CCDC171: variants seen among roughly 807,000 people sequenced by gnomAD.
The protein encoded by CCDC171 is coiled-coil domain containing 171, also known as coiled-coil domain-containing protein 171.
Under a neutral mutation model 168.2 loss-of-function variants are expected in CCDC171, and 177 were observed. That is an observed-to-expected ratio of 1.05 (90% CI 0.93 to 1.19). The LOEUF is 1.19. CCDC171 is among the 50% of genes most tolerant of loss of function. The pLI, the probability that CCDC171 is intolerant of heterozygous loss-of-function variation, is 0.00. For synonymous variants in CCDC171, 687 were observed against 540.8 expected (o/e 1.27, Z -3.75); for missense variants, 1,991 against 1,539.0 (o/e 1.29, Z -4.91).
chr9:15,958,736 A>G (rs916374816), intron 25 of CCDC171, among the ~76,000 whole-genome samples: 12 of 151,958 alleles, frequency 7.9e-5, no homozygotes, highest in Non-Finnish European at 1.6e-4. Flanking sequence ...CAGCATTTTG[A>G]TTAGTACAGG....
At position 15,958,975 on chromosome 9, in the gene CCDC171, T is replaced by C. The variant is rs566626225; in HGVS notation, c.3754-12634T>C. On this transcript the variant is annotated intron_variant, in intron 25 of 25. Transcript: ENST00000380701. ...TGACTTCTTGGTTGTGCAGTGTTCA[T>C]GTGCCCTGTCTCTCTCCACTGCCTC... Among the ~76,000 whole-genome samples the C allele has an allele frequency of 2.7e-4, 41 of 152,266 alleles. No homozygotes were observed. The South Asian group carries it at 5.6e-3, about 21-fold the overall frequency.
At chr9:15,774,277 A>G (rs946525267) in intron 18 of CCDC171, among the ~76,000 whole-genome samples, 1 of 125,110 alleles carries the variant, frequency 8.0e-6, no homozygotes, top group East Asian at 2.5e-4. Flanking sequence ...AAAAAAAAAA[A>G]GTCATCAGAA....
the CCDC171 span, among the ~76,000 whole-genome samples, chr9:16,095,634 C>T: frequency 1.3e-5 from 2 of 151,768 alleles, no homozygotes; most frequent in African/African-American, 2.4e-5. Flanking sequence ...ACCTATTTCC[C>T]CATAGAAATG....
At position 16,035,809 on chromosome 9, in the gene CCDC171, C is replaced by G. The variant is rs550459954; in HGVS notation, n.1067+284C>G. Among the ~76,000 whole-genome samples the G allele has an allele frequency of 2.7e-3, 412 of 152,282 alleles. 2 individuals carry two copies. The highest frequency in any genetic ancestry group is 9.2e-3 in the African/African-American group (384 of 41,548). On this transcript the variant is annotated intron_variant and non_coding_transcript_variant, in intron 7 of 9. Coordinates refer to the CCDC171 transcript ENST00000486641. ...TATTCAATATCCACTATGTCAGTCA[C>G]TGGGCTATGTTGTGTGGAAGAGTAA...
intron 11 of CCDC171, among the ~76,000 whole-genome samples, chr9:15,715,101 A>G (rs2052980089): frequency 6.6e-6 from 1 of 152,196 alleles, no homozygotes; most frequent in African/African-American, 2.4e-5. Context: ...TTTGCCTTCT[A>G]GCCACATGGA....
chr9:16,008,351 T>C (rs1339381321), intron 3 of CCDC171, among the ~76,000 whole-genome samples: 2 of 152,212 alleles, frequency 1.3e-5, no homozygotes, highest in African/African-American at 4.8e-5. Flanking sequence ...CCCCATTGAA[T>C]GGTTGTGGCA....
Position 15,854,766 on chromosome 9 carries a change from C to G in CCDC171, c.3468+5819C>G, listed in dbSNP as rs116426189. On this transcript the variant is annotated intron_variant, in intron 23 of 25. Transcript: ENST00000380701. ...TGTCTGATGCAGCTTAAACTGCATC[C>G]CAGAAGTTTTGGTTTATTATTTTTT... Among the ~76,000 whole-genome samples, 1,465 of 151,376 alleles carry G rather than the reference C, an allele frequency of 9.7e-3. 34 individuals are homozygous for G. Among genetic ancestry groups the G allele is most frequent in the African/African-American group, 0.034 (1,397 of 41,330 alleles).
At chr9:15,650,407 GAAAAA>G (rs999898131) in intron 7 of CCDC171, among the ~76,000 whole-genome samples, 1 of 151,544 alleles carries the variant, frequency 6.6e-6, no homozygotes, top group African/African-American at 2.4e-5. Context: ...ATAAAAAAAA[GAAAAA>G]AAATAAATTA....
At position 15,691,546 on chromosome 9, in the gene CCDC171, T is replaced by TTATATATATATA. The variant is rs55892512; in HGVS notation, c.1216-3675_1216-3664dup. On this transcript the variant is annotated intron_variant, in intron 10 of 25. Coordinates refer to ENST00000380701, the MANE Select transcript of CCDC171 (RefSeq NM_173550.4). ...AAAAATACCTGTAAATATATGTTTT[T>TTATATATATATA]TATATATATATATATATATATATAT... is the stretch of plus-strand genomic sequence containing the variant. Among the ~76,000 whole-genome samples the TTATATATATATA allele has an allele frequency of 6.9e-4, 73 of 106,374 alleles. 1 individual carries two copies. The highest frequency in any genetic ancestry group is 1.5e-3 in the African/African-American group (38 of 25,626). 69.8% of individuals were successfully genotyped at this position (106,374 alleles called of 152,430 possible).
chr9:16,093,316 A>T, the CCDC171 span, among the ~76,000 whole-genome samples: 1 of 152,082 alleles, frequency 6.6e-6, no homozygotes, highest in African/African-American at 2.4e-5. Flanking sequence ...GGGCCAACCT[A>T]CCTGATACTG....
intron 23 of CCDC171, among the ~76,000 whole-genome samples, chr9:15,851,315 A>G (rs1053660874): frequency 6.6e-6 from 1 of 151,794 alleles, no homozygotes; most frequent in Admixed American, 6.6e-5. Context: ...TCAGTTAAAA[A>G]CATATAGTTT....
intron 21 of CCDC171, among the ~76,000 whole-genome samples, chr9:15,823,736 C>G (rs2059896187): frequency 1.3e-5 from 2 of 151,992 alleles, no homozygotes; most frequent in South Asian, 4.2e-4. Context: ...GTTGAAAATT[C>G]TAATTTTAAT....
chr9:15,875,307 A>T (rs1239439663), intron 24 of CCDC171: 1 of 151,982 alleles, frequency 6.6e-6, no homozygotes, highest in Non-Finnish European at 1.5e-5. Context: ...TACACTAATA[A>T]ACTTATTTTT....
upstream of CCDC171, among the ~76,000 whole-genome samples, chr9:16,039,924 G>A (rs192343447): frequency 2.7e-3 from 406 of 152,182 alleles, 3 homozygotes; most frequent in Middle Eastern, 0.024. Context: ...AGATTGGACC[G>A]GATAACAGAA....
intron 25 of CCDC171, among the ~76,000 whole-genome samples, chr9:15,956,031 C>A (rs1036568104): frequency 6.6e-6 from 1 of 152,130 alleles, no homozygotes; most frequent in Admixed American, 6.6e-5. Context: ...TGATGCAGGG[C>A]AATTTCCTAA....
chr9:15,727,152 A>AT (rs199948038), intron 14 of CCDC171, among the ~76,000 whole-genome samples: 2,711 of 151,076 alleles, frequency 0.018, 96 homozygotes, highest in African/African-American at 0.06. Context: ...AGCTATATCC[A>AT]TTTTTTTTTG....
chr9:15,717,523 C>T (rs868614519), intron 11 of CCDC171, among the ~76,000 whole-genome samples: 3 of 152,224 alleles, frequency 2.0e-5, no homozygotes, highest in Non-Finnish European at 4.4e-5. Flanking sequence ...GGAGTGCTTG[C>T]AGTACCCCAC....
At chr9:15,968,181 A>G (rs1158206571) in intron 25 of CCDC171, among the ~76,000 whole-genome samples, 1 of 152,202 alleles carries the variant, frequency 6.6e-6, no homozygotes. Context: ...GTGCTTCCAT[A>G]AAGATTCACA....
At chr9:15,606,093 C>G (rs1311771862) in intron 6 of CCDC171, among the ~76,000 whole-genome samples, 1 of 152,106 alleles carries the variant, frequency 6.6e-6, no homozygotes, top group Non-Finnish European at 1.5e-5. Context: ...ACCATCATAA[C>G]AAGATACTAT....
Sources: gnomAD v4.1 joint callset for allele counts (sites outside exome capture counted in the v4.1 genomes callset) on GRCh38, gnomAD v4.1.1 for gene constraint, MANE v1.5 for transcripts, NCBI Gene and HGNC (gene_info 2026-07-23, HGNC 2026-07-21) for gene names.